Variants in ITPR1 observed in about 807,000 individuals in gnomAD.
The protein encoded by ITPR1 is inositol 1,4,5-trisphosphate receptor type 1, also known as inositol 1,4,5-trisphosphate-gated calcium channel ITPR1.
In ITPR1, 96 loss-of-function variants were observed where a neutral mutation model predicts 318.4. That is an observed-to-expected ratio of 0.30 (90% CI 0.26 to 0.36). The LOEUF is 0.36. Ranked by LOEUF, ITPR1 falls within the 10% of genes least tolerant of loss-of-function variation. ITPR1 has a pLI of 1.00. For synonymous variants in ITPR1, 1,312 were observed against 1,289.9 expected (o/e 1.02, Z -0.37); for missense variants, 2,440 against 3,460.2 (o/e 0.71, Z 7.40).
intron 3 of ITPR1, among the ~76,000 whole-genome samples, chr3:4,517,833 C>T (rs934260119): frequency 2.6e-5 from 4 of 152,156 alleles, no homozygotes. Flanking sequence ...CTATGGTTGA[C>T]TCTTTTACCC....
At position 4,639,550 on chromosome 3, in the gene ITPR1, G is replaced by A. The variant is rs565459898; in HGVS notation, c.366+80G>A. ...TGAGGAAACAAACACCTAAGACAGG[G>A]TTTGGACACCTTTACAGCAGGACTC... On this transcript the variant is annotated intron_variant, in intron 6 of 61. Coordinates refer to ENST00000649015, the MANE Select transcript of ITPR1 (RefSeq NM_001378452.1). The A allele has an allele frequency of 2.0e-4, 212 of 1,055,748 alleles. 3 individuals carry two copies. The highest frequency in any genetic ancestry group is 1.5e-3 in the South Asian group (109 of 71,232). 65.4% of individuals were successfully genotyped at this position (1,055,748 alleles called of 1,614,324 possible).
intron 1 of ITPR1, among the ~76,000 whole-genome samples, chr3:4,493,911 G>C (rs887075583): frequency 5.0e-5 from 7 of 140,252 alleles, no homozygotes; most frequent in Non-Finnish European, 1.1e-4. Flanking sequence ...TTTTTGAAGA[G>C]AGGTTGTGGG....
intron 4 of ITPR1, among the ~76,000 whole-genome samples, chr3:4,602,376 A>C (rs2091354863): frequency 6.6e-6 from 1 of 151,966 alleles, no homozygotes; most frequent in Non-Finnish European, 1.5e-5. Context: ...CAACAACAAA[A>C]AATTAGCCAG....
At chr3:4,625,682 G>A (rs1259181021) in intron 4 of ITPR1, among the ~76,000 whole-genome samples, 9 of 151,862 alleles carry the variant, frequency 5.9e-5, no homozygotes, top group African/African-American at 1.2e-4. Flanking sequence ...TCAGCCTCCC[G>A]AGTAGCTGGG....
At chr3:4,596,223 T>A (rs1028263801) in intron 4 of ITPR1, 2 of 152,216 alleles carry the variant, frequency 1.3e-5, no homozygotes, top group South Asian at 4.1e-4. Flanking sequence ...GAGCCAAGAA[T>A]TAAGCAAAAG....
At chr3:4,680,439 C>T (rs2094275244) in intron 24 of ITPR1, 114 bp from the exon 25 acceptor site, 1 of 895,446 alleles carries the variant, frequency 1.1e-6, no homozygotes, top group South Asian at 1.6e-5. Flanking sequence ...TCACTTAGTG[C>T]TTAAGGTAAT....
chr3:4,767,829 A>G (rs1450215322), intron 45 of ITPR1, among the ~76,000 whole-genome samples: 7 of 152,206 alleles, frequency 4.6e-5, no homozygotes, highest in African/African-American at 1.7e-4. Context: ...AGTTCTTTAC[A>G]GTTCCCCTCA....
At chr3:4,704,262 A>G (rs1166092142) in intron 36 of ITPR1, among the ~76,000 whole-genome samples, 2 of 152,168 alleles carry the variant, frequency 1.3e-5, no homozygotes, top group South Asian at 2.1e-4. Flanking sequence ...AAAATACAAA[A>G]TTAGCCTGGC....
Position 4,768,502 on chromosome 3 carries a change from G to A in ITPR1, c.5726-9G>A, listed in dbSNP as rs777589361. The A allele has an allele frequency of 1.3e-6, 2 of 1,598,542 alleles. No homozygotes were observed. The highest frequency in any genetic ancestry group is 1.3e-5 in the African/African-American group (1 of 74,482). On this transcript the variant is annotated splice_polypyrimidine_tract_variant and intron_variant, in intron 45 of 61. Transcript: ENST00000649015. ...CTGCAGCCTTTCATGCCTTATGCTT[G>A]CTTTCTAGCTAAAGAGCCCACAACA...
At chr3:4,513,327 C>A (rs1224360446) in intron 2 of ITPR1, among the ~76,000 whole-genome samples, 2 of 152,198 alleles carry the variant, frequency 1.3e-5, no homozygotes, top group African/African-American at 4.8e-5. Context: ...TCTCCTTCCT[C>A]CACTTCACTA....
At chr3:4,574,119 A>G (rs1559472351) in intron 4 of ITPR1, among the ~76,000 whole-genome samples, 1 of 152,076 alleles carries the variant, frequency 6.6e-6, no homozygotes, top group Non-Finnish European at 1.5e-5. Context: ...TACCATTTCT[A>G]GCCAATTTCT....
chr3:4,642,331 C>T (rs1015715285), intron 7 of ITPR1, 80 bp downstream of exon 7: 14 of 1,155,536 alleles, frequency 1.2e-5, no homozygotes, highest in Admixed American at 3.5e-5. Flanking sequence ...AAGGAGGAGA[C>T]GTTGAAAGTT....
intron 60 of ITPR1, among the ~76,000 whole-genome samples, chr3:4,832,113 A>T (rs139818607): frequency 9.8e-5 from 15 of 152,362 alleles, no homozygotes; most frequent in African/African-American, 3.6e-4. Flanking sequence ...AACACTGGTA[A>T]CACCTAAATT....
chr3:4,808,773 A>C (rs73807159), intron 55 of ITPR1, among the ~76,000 whole-genome samples: 1,690 of 152,302 alleles, frequency 0.011, 25 homozygotes, highest in African/African-American at 0.039. Flanking sequence ...GGGAACACCC[A>C]TGTGTTCCAG....
At chr3:4,565,010 A>C (rs1160933145) in intron 4 of ITPR1, among the ~76,000 whole-genome samples, 1 of 152,202 alleles carries the variant, frequency 6.6e-6, no homozygotes, top group African/African-American at 2.4e-5. Flanking sequence ...ACCTGCAAAC[A>C]TTTTGAAGCT....
chr3:4,737,414 G>T (rs190296210), intron 44 of ITPR1, among the ~76,000 whole-genome samples: 1 of 152,192 alleles, frequency 6.6e-6, no homozygotes. Context: ...ACTGAAAGGG[G>T]GAAATTGGGC....
chr3:4,747,670 C>T (rs533205002), intron 44 of ITPR1, among the ~76,000 whole-genome samples: 51 of 152,296 alleles, frequency 3.3e-4, no homozygotes, highest in African/African-American at 1.0e-3. Flanking sequence ...TCAGACTGGG[C>T]ATCTCATTTG....
intron 12 of ITPR1, among the ~76,000 whole-genome samples, chr3:4,656,384 G>A (rs909994521): frequency 7.2e-5 from 11 of 152,190 alleles, no homozygotes; most frequent in Non-Finnish European, 1.5e-4. Flanking sequence ...CAGATGGTTC[G>A]GAGAGAACAA....
At chr3:4,780,868 C>G (rs1420666843) in intron 49 of ITPR1, among the ~76,000 whole-genome samples, 2 of 152,340 alleles carry the variant, frequency 1.3e-5, no homozygotes, top group South Asian at 2.1e-4. Flanking sequence ...CCCCAGCTCT[C>G]TGACCTATCT....
Sources: gnomAD v4.1 joint callset for allele counts (sites outside exome capture counted in the v4.1 genomes callset) on GRCh38, gnomAD v4.1.1 for gene constraint, MANE v1.5 for transcripts, NCBI Gene and HGNC (gene_info 2026-07-23, HGNC 2026-07-21) for gene names.